DNER: variants seen among roughly 807,000 people sequenced by gnomAD.
DNER encodes delta and Notch-like epidermal growth factor-related receptor.
In DNER, 33 loss-of-function variants were observed where a neutral mutation model predicts 78.2. The ratio of observed to expected loss-of-function variants is 0.42; its 90% CI spans 0.32 to 0.56. The LOEUF (loss-of-function observed/expected upper bound fraction) is 0.56. Ranked by LOEUF, DNER falls within the 20% of genes least tolerant of loss-of-function variation. The pLI, the probability that DNER is intolerant of heterozygous loss-of-function variation, is 0.11. For missense variants in DNER, 918 were observed against 975.3 expected (o/e 0.94, Z 0.78); for synonymous variants, 417 against 384.8 (o/e 1.08, Z -0.98).
intron 7 of DNER, among the ~76,000 whole-genome samples, chr2:229,468,158 C>A (rs1299909122): frequency 6.6e-6 from 1 of 152,240 alleles, no homozygotes. Context: ...AGCTGTCCTT[C>A]TTCATTCCTG....
chr2:229,387,419 T>G (rs1692893359), intron 11 of DNER, among the ~76,000 whole-genome samples: 1 of 151,480 alleles, frequency 6.6e-6, no homozygotes, highest in South Asian at 2.1e-4. Flanking sequence ...GGCATGTGTA[T>G]ACCTATGTAA....
intron 10 of DNER, among the ~76,000 whole-genome samples, chr2:229,402,019 T>G (rs904935511): frequency 1.5e-4 from 23 of 152,232 alleles, no homozygotes; most frequent in Admixed American, 6.5e-5. Flanking sequence ...CAAAACAGAC[T>G]CTACACCTAA....
intron 1 of DNER, among the ~76,000 whole-genome samples, chr2:229,672,953 A>G (rs1034284195): frequency 7.2e-5 from 11 of 152,212 alleles, no homozygotes; most frequent in Admixed American, 2.6e-4. Flanking sequence ...TCTTCACCCA[A>G]TGACCACTGT....
intron 4 of DNER, among the ~76,000 whole-genome samples, chr2:229,577,140 G>A (rs1215775122): frequency 2.0e-5 from 3 of 152,180 alleles, no homozygotes; most frequent in Admixed American, 6.5e-5. Flanking sequence ...GCATTTAGAG[G>A]AGAATATTCC....
chr2:229,573,418 G>A (rs952837727), intron 4 of DNER, among the ~76,000 whole-genome samples: 6 of 152,078 alleles, frequency 3.9e-5, no homozygotes, highest in Admixed American at 2.6e-4. Flanking sequence ...TTCGACTCTG[G>A]TCCATTTTCT....
intron 4 of DNER, among the ~76,000 whole-genome samples, chr2:229,548,481 C>T (rs1176143200): frequency 6.6e-6 from 1 of 152,132 alleles, no homozygotes; most frequent in African/African-American, 2.4e-5. Flanking sequence ...TCTCAGCAAA[C>T]TATCACAAGA....
At chr2:229,482,792 G>A (rs1328211798) in intron 6 of DNER, among the ~76,000 whole-genome samples, 1 of 152,178 alleles carries the variant, frequency 6.6e-6, no homozygotes, top group African/African-American at 2.4e-5. Flanking sequence ...AATTTCATTT[G>A]TAAAATCAGG....
At chr2:229,639,412 G>A (rs760434119) in intron 1 of DNER, among the ~76,000 whole-genome samples, 3 of 151,972 alleles carry the variant, frequency 2.0e-5, no homozygotes, top group East Asian at 1.9e-4. Context: ...CCATCACCAC[G>A]CCTGGCTAAC....
At chr2:229,401,874 T>C (rs1354053508) in intron 10 of DNER, among the ~76,000 whole-genome samples, 1 of 152,120 alleles carries the variant, frequency 6.6e-6, no homozygotes, top group African/African-American at 2.4e-5. Flanking sequence ...ATATAATCAA[T>C]TGTTTTCTAA....
At chr2:229,473,968 C>G (rs1379790973) in intron 7 of DNER, among the ~76,000 whole-genome samples, 2 of 152,060 alleles carry the variant, frequency 1.3e-5, no homozygotes, top group Non-Finnish European at 2.9e-5. Flanking sequence ...TACAGTGGCA[C>G]AATCTCGGTT....
chr2:229,369,211 A>T (rs1692420847), intron 11 of DNER, among the ~76,000 whole-genome samples: 1 of 151,970 alleles, frequency 6.6e-6, no homozygotes. Context: ...AAACTTTCTA[A>T]AAAGTTAAAA....
At chr2:229,689,407 C>G (rs1212140215) in intron 1 of DNER, among the ~76,000 whole-genome samples, 1 of 152,068 alleles carries the variant, frequency 6.6e-6, no homozygotes, top group South Asian at 2.1e-4. Flanking sequence ...AGTTTAAAAC[C>G]ATTTTAAAAT....
At chr2:229,433,094 C>G (rs1427790744) in intron 8 of DNER, among the ~76,000 whole-genome samples, 1 of 152,132 alleles carries the variant, frequency 6.6e-6, no homozygotes, top group Non-Finnish European at 1.5e-5. Context: ...TGCCTGCCAC[C>G]GTACCTGACT....
In DNER at chr2:229,364,935, C is replaced by T. The variant is rs1244660062; in HGVS notation, c.2102+1938G>A. On this transcript the variant is annotated intron_variant, in intron 12 of 12. Coordinates refer to ENST00000341772, the MANE Select transcript of DNER (RefSeq NM_139072.4). ...GTGTCATCTCAGCTCACTGCAACCTCCACCTCGTGGGTTCAAGTGATTCTC... is the reference window on the plus strand; with the variant it reads ...GTGTCATCTCAGCTCACTGCAACCTTCACCTCGTGGGTTCAAGTGATTCTC... Among the ~76,000 whole-genome samples the T allele has an allele frequency of 2.0e-5, 3 of 149,702 alleles. No homozygotes were observed. In the South Asian group the frequency reaches 6.4e-4, roughly 32 times the overall value.
chr2:229,459,155 A>G (rs960215722), intron 7 of DNER, among the ~76,000 whole-genome samples: 2 of 152,090 alleles, frequency 1.3e-5, no homozygotes, highest in Non-Finnish European at 2.9e-5. Flanking sequence ...ATGGGTTGGA[A>G]GTCTCACTAT....
intron 1 of DNER, among the ~76,000 whole-genome samples, chr2:229,672,964 C>T (rs1056505395): frequency 3.3e-5 from 5 of 152,194 alleles, no homozygotes; most frequent in African/African-American, 1.2e-4. Flanking sequence ...TGACCACTGT[C>T]GTTTTGAGAG....
chr2:229,629,680 T>C (rs73093580), intron 1 of DNER, among the ~76,000 whole-genome samples: 1,652 of 152,322 alleles, frequency 0.011, 33 homozygotes, highest in African/African-American at 0.037. Flanking sequence ...AATCACAATT[T>C]TGATTCATTT....
At chr2:229,434,906 A>ATT (rs1694088292) in intron 8 of DNER, among the ~76,000 whole-genome samples, 6 of 80,366 alleles carry the variant, frequency 7.5e-5, no homozygotes, top group African/African-American at 3.3e-4. Flanking sequence ...TATAGAGACA[A>ATT]TTTATATATA....
intron 6 of DNER, among the ~76,000 whole-genome samples, chr2:229,490,062 G>C (rs1033112828): frequency 6.6e-6 from 1 of 152,140 alleles, no homozygotes; most frequent in Non-Finnish European, 1.5e-5. Context: ...GGAGGAGAAA[G>C]CGGAGGAAGT....
Sources: gnomAD v4.1 joint callset for allele counts (sites outside exome capture counted in the v4.1 genomes callset) on GRCh38, gnomAD v4.1.1 for gene constraint, MANE v1.5 for transcripts, NCBI Gene and HGNC (gene_info 2026-07-23, HGNC 2026-07-21) for gene names.